Variants in GRAMD2B observed in about 807,000 individuals in gnomAD.
The protein encoded by GRAMD2B is GRAM domain containing 2B.
A neutral mutation model predicts 59.2 loss-of-function variants in GRAMD2B; 41 were observed. The observed-to-expected ratio is 0.69, with a 90% CI of 0.54 to 0.90. GRAMD2B has a LOEUF of 0.90. Ranked by LOEUF, GRAMD2B falls within the 40% of genes least tolerant of loss-of-function variation. GRAMD2B has a pLI of 0.00. For missense variants in GRAMD2B, 424 were observed against 500.5 expected (o/e 0.85, Z 1.46); for synonymous variants, 161 against 182.7 (o/e 0.88, Z 0.96).
At chr5:126,466,149 T>C in intron 2 of GRAMD2B, 1 of 1,289,768 alleles carries the variant, frequency 7.8e-7, no homozygotes, top group Non-Finnish European at 1.0e-6. Flanking sequence ...GTGTGATGGG[T>C]GAGTGCAGTT....
intron 1 of GRAMD2B, among the ~76,000 whole-genome samples, chr5:126,445,120 C>T (rs559695949): frequency 2.0e-5 from 3 of 152,222 alleles, no homozygotes; most frequent in African/African-American, 7.2e-5. Flanking sequence ...GGGTTGATTC[C>T]ATGACTTTGC....
chr5:126,459,616 A>G lies in GRAMD2B; in HGVS notation c.84-5810A>G, dbSNP rs554803255. Among the ~76,000 whole-genome samples, 59 of 152,342 alleles carry G rather than the reference A, an allele frequency of 3.9e-4. 1 individual carries two copies. In the South Asian group the frequency reaches 0.012, roughly 31 times the overall value. ...TTAATAAGTGCTTAAATATATGAAA[A>G]TACACTCAGCTTTACTCTTAAGAAG... is the stretch of plus-strand genomic sequence containing the variant. On this transcript the variant is annotated intron_variant, in intron 1 of 13. Transcript: ENST00000285689.
At chr5:126,473,471 G>T in intron 5 of GRAMD2B, 103 bp downstream of exon 5, 1 of 432,612 alleles carries the variant, frequency 2.3e-6, no homozygotes, top group Non-Finnish European at 4.1e-6. Flanking sequence ...TTGTATCATG[G>T]TTATTCTTTT....
chr5:126,390,300 G>T (rs1196686977), intron 1 of GRAMD2B, among the ~76,000 whole-genome samples: 1 of 152,226 alleles, frequency 6.6e-6, no homozygotes, highest in Non-Finnish European at 1.5e-5. Context: ...GTATATAAAA[G>T]TTCTGAAGTC....
At chr5:126,405,440 T>C (rs1383362995) in intron 1 of GRAMD2B, among the ~76,000 whole-genome samples, 2 of 151,892 alleles carry the variant, frequency 1.3e-5, no homozygotes, top group African/African-American at 4.8e-5. Flanking sequence ...GCTTCCTCAA[T>C]GGTACAATAA....
chr5:126,472,354 T>A (rs777448213), intron 4 of GRAMD2B, 50 bp downstream of exon 4: 1 of 1,479,734 alleles, frequency 6.8e-7, no homozygotes, highest in Non-Finnish European at 9.4e-7. Context: ...GAAAAGTTGA[T>A]CATTAGTTTT....
At chr5:126,475,703 C>G (rs373682112) in intron 5 of GRAMD2B, among the ~76,000 whole-genome samples, 1 of 152,196 alleles carries the variant, frequency 6.6e-6, no homozygotes, top group Non-Finnish European at 1.5e-5. Context: ...CAGTGGCTCA[C>G]GCCTGTAATC....
At chr5:126,407,933 G>A (rs1182657484) in intron 1 of GRAMD2B, among the ~76,000 whole-genome samples, 1 of 151,722 alleles carries the variant, frequency 6.6e-6, no homozygotes, top group East Asian at 1.9e-4. Flanking sequence ...TTGTTTTAAC[G>A]AGTATCTTTT....
At chr5:126,409,794 T>A (rs1758608077) in intron 1 of GRAMD2B, among the ~76,000 whole-genome samples, 1 of 152,140 alleles carries the variant, frequency 6.6e-6, no homozygotes, top group African/African-American at 2.4e-5. Context: ...AATGCCTAGG[T>A]TTTCTTCTAG....
chr5:126,480,494 CA>C lies in GRAMD2B; in HGVS notation c.624del (p.Lys208AsnfsTer3). 1 of 1,613,380 alleles carries C rather than the reference CA, an allele frequency of 6.2e-7. No individual in the cohort carries two copies. Among genetic ancestry groups the C allele is most frequent in the Non-Finnish European group, 8.5e-7 (1 of 1,179,304 alleles). On this transcript the variant is annotated frameshift_variant, in exon 7 of 14. Coordinates refer to ENST00000285689, the MANE Select transcript of GRAMD2B (RefSeq NM_023927.4). LOFTEE classifies it high-confidence loss of function. ...CCTTACTCTCCAGAGATTCAACTTA[CA>C]AACTACTAAAATCTGTGTGTGGACA... ...VSLLSRDSTY[K>X]LLKSVCGHLE... is the part of the protein sequence containing the mutation.
At chr5:126,412,747 C>T (rs10078453) in intron 1 of GRAMD2B, among the ~76,000 whole-genome samples, 122,984 of 151,952 alleles carry the variant, frequency 0.81, 50,189 homozygotes, top group Non-Finnish European at 0.86. Context: ...CCAGGGCTTT[C>T]TCTGATTGGT....
intron 5 of GRAMD2B, 33 bp downstream of exon 5, chr5:126,473,401 T>C: frequency 1.5e-6 from 1 of 681,840 alleles, no homozygotes; most frequent in East Asian, 2.9e-5. Context: ...ATGCTAACCC[T>C]ATACTTTATT....
At chr5:126,364,224 T>G (rs747900243) in intron 1 of GRAMD2B, among the ~76,000 whole-genome samples, 17 of 152,152 alleles carry the variant, frequency 1.1e-4, no homozygotes, top group Non-Finnish European at 2.4e-4. Flanking sequence ...ATTTTCAAAT[T>G]CCCCAGCTAT....
intron 1 of GRAMD2B, among the ~76,000 whole-genome samples, chr5:126,432,071 G>A (rs1456468957): frequency 1.3e-5 from 2 of 152,164 alleles, no homozygotes; most frequent in African/African-American, 4.8e-5. Context: ...TGGGACTACA[G>A]GCGTGCACCA....
At chr5:126,404,938 A>G (rs112288793) in intron 1 of GRAMD2B, among the ~76,000 whole-genome samples, 1,523 of 152,016 alleles carry the variant, frequency 0.01, 39 homozygotes, top group African/African-American at 0.035. Flanking sequence ...TCCATATTTT[A>G]ATTATCACAA....
At chr5:126,418,053 G>C (rs1759406708) in intron 1 of GRAMD2B, among the ~76,000 whole-genome samples, 1 of 152,164 alleles carries the variant, frequency 6.6e-6, no homozygotes, top group Non-Finnish European at 1.5e-5. Flanking sequence ...GATACAAGTA[G>C]AAGAGTTTTA....
chr5:126,362,877 A>G (rs1417759292), intron 1 of GRAMD2B, among the ~76,000 whole-genome samples: 1 of 152,202 alleles, frequency 6.6e-6, no homozygotes, highest in Non-Finnish European at 1.5e-5. Context: ...AAAAATCTTA[A>G]TAAACATACG....
chr5:126,452,259 T>C (rs1391493161), intron 1 of GRAMD2B, among the ~76,000 whole-genome samples: 1 of 152,128 alleles, frequency 6.6e-6, no homozygotes, highest in Non-Finnish European at 1.5e-5. Context: ...TGGATCCTCA[T>C]GTGGTGGAAG....
chr5:126,436,856 T>A (rs901389643), intron 1 of GRAMD2B, among the ~76,000 whole-genome samples: 3 of 151,764 alleles, frequency 2.0e-5, no homozygotes, highest in African/African-American at 7.3e-5. Context: ...GGAATAGGAG[T>A]CAGTTGCCTA....
Sources: allele counts gnomAD v4.1 joint callset (sites outside exome capture counted in the v4.1 genomes callset), GRCh38; gene constraint gnomAD v4.1.1; transcripts MANE v1.5; gene names NCBI Gene and HGNC (gene_info 2026-07-23, HGNC 2026-07-21).